RB1CC1: variants seen among roughly 807,000 people sequenced by gnomAD.
RB1CC1 encodes RB1-inducible coiled-coil protein 1.
A neutral mutation model predicts 177.5 loss-of-function variants in RB1CC1; 46 were observed. The observed-to-expected ratio is 0.26, with a 90% CI of 0.20 to 0.33. The LOEUF (loss-of-function observed/expected upper bound fraction) is 0.33, where lower values mean the gene tolerates loss of function less well. RB1CC1 is among the 10% of genes least tolerant of loss of function. The pLI, the probability that RB1CC1 is intolerant of heterozygous loss-of-function variation, is 1.00. For synonymous variants in RB1CC1, 666 were observed against 613.6 expected (o/e 1.09, Z -1.26); for missense variants, 1,703 against 1,816.3 (o/e 0.94, Z 1.13).
At chr8:52,648,100 C>A (rs1850219839) in intron 15 of RB1CC1, among the ~76,000 whole-genome samples, 1 of 152,072 alleles carries the variant, frequency 6.6e-6, no homozygotes, top group African/African-American at 2.4e-5. Context: ...GTTCCAGGTA[C>A]ACAAACAGAT....
intron 5 of RB1CC1, among the ~76,000 whole-genome samples, chr8:52,679,119 T>C (rs931836405): frequency 1.3e-5 from 2 of 152,056 alleles, no homozygotes; most frequent in Non-Finnish European, 2.9e-5. Flanking sequence ...ATAACAAATC[T>C]CGGGAACCCA....
chr8:52,660,124 CAT>C (rs1263883261), intron 12 of RB1CC1, among the ~76,000 whole-genome samples: 1 of 152,178 alleles, frequency 6.6e-6, no homozygotes, highest in African/African-American at 2.4e-5. Flanking sequence ...GGTTTAGAAA[CAT>C]ATCAAACTAA....
intron 18 of RB1CC1, among the ~76,000 whole-genome samples, chr8:52,638,677 C>T (rs1238141005): frequency 2.0e-5 from 3 of 152,000 alleles, no homozygotes; most frequent in Non-Finnish European, 4.4e-5. Flanking sequence ...ACTCTGATTT[C>T]AGAGTAGTCT....
At chr8:52,708,047 C>G (rs1447500786) in intron 1 of RB1CC1, among the ~76,000 whole-genome samples, 1 of 152,118 alleles carries the variant, frequency 6.6e-6, no homozygotes, top group Non-Finnish European at 1.5e-5. Context: ...AAAATGGTGG[C>G]AATTATGACT....
At chr8:52,663,432 T>A (rs1851799892) in intron 8 of RB1CC1, among the ~76,000 whole-genome samples, 1 of 152,046 alleles carries the variant, frequency 6.6e-6, no homozygotes, top group Non-Finnish European at 1.5e-5. Flanking sequence ...AATTACCCCT[T>A]CAAAGGCATT....
chr8:52,629,947 C>T (rs1848644540), intron 21 of RB1CC1, among the ~76,000 whole-genome samples: 1 of 152,110 alleles, frequency 6.6e-6, no homozygotes, highest in Non-Finnish European at 1.5e-5. Flanking sequence ...ACCTTGGGCA[C>T]ATGTTCTCAG....
intron 21 of RB1CC1, among the ~76,000 whole-genome samples, chr8:52,629,699 T>C (rs1409258688): frequency 6.6e-6 from 1 of 152,204 alleles, no homozygotes; most frequent in Non-Finnish European, 1.5e-5. Flanking sequence ...AGGCTTCATC[T>C]GCATGACAAA....
intron 20 of RB1CC1, among the ~76,000 whole-genome samples, chr8:52,633,192 TC>T (rs1672025765): frequency 6.6e-6 from 1 of 152,160 alleles, no homozygotes; most frequent in African/African-American, 2.4e-5. Context: ...CGTCAGGACC[TC>T]CCGAGGCTGT....
At chr8:52,663,298 G>A (rs1352392504) in intron 8 of RB1CC1, among the ~76,000 whole-genome samples, 2 of 151,786 alleles carry the variant, frequency 1.3e-5, no homozygotes, top group Admixed American at 6.6e-5. Flanking sequence ...CGAATGGCTA[G>A]AGAATGAATA....
intron 1 of RB1CC1, among the ~76,000 whole-genome samples, chr8:52,693,632 T>C (rs552461444): frequency 1.3e-5 from 2 of 152,220 alleles, no homozygotes; most frequent in African/African-American, 4.8e-5. Context: ...GAGTGTAAAT[T>C]AGTTCAACCA....
chr8:52,625,015 CATG>C (rs1848283884), intron 22 of RB1CC1, among the ~76,000 whole-genome samples: 2 of 152,220 alleles, frequency 1.3e-5, no homozygotes, highest in Admixed American at 6.5e-5. Flanking sequence ...ATTAAATATA[CATG>C]ATATGTCAAA....
chr8:52,663,996 T>G (rs576822678), intron 8 of RB1CC1, among the ~76,000 whole-genome samples: 1 of 152,286 alleles, frequency 6.6e-6, no homozygotes, highest in South Asian at 2.1e-4. Context: ...AAGTACAGCA[T>G]ACTAAGAGAA....
intron 5 of RB1CC1, among the ~76,000 whole-genome samples, chr8:52,680,968 T>TTG (rs34048284): frequency 0.16 from 21,136 of 130,814 alleles, 2,371 homozygotes; most frequent in East Asian, 0.58. Flanking sequence ...TTGTGGGGTT[T>TTG]TGTGTGTGTG....
At chr8:52,684,038 T>C in intron 3 of RB1CC1, 25 bp from the exon 4 acceptor site, 1 of 1,600,698 alleles carries the variant, frequency 6.2e-7, no homozygotes, top group Non-Finnish European at 8.5e-7. Flanking sequence ...ATAAAATAAA[T>C]CAGTTGTTTA....
At chr8:52,639,099 A>G (rs1849370594) in intron 18 of RB1CC1, among the ~76,000 whole-genome samples, 1 of 152,048 alleles carries the variant, frequency 6.6e-6, no homozygotes, top group Admixed American at 6.6e-5. Context: ...TCACTTTTTA[A>G]CCTAACATAT....
intron 15 of RB1CC1, among the ~76,000 whole-genome samples, chr8:52,654,538 T>G (rs952714633): frequency 3.3e-5 from 5 of 152,208 alleles, no homozygotes; most frequent in Admixed American, 6.5e-5. Flanking sequence ...TGTAGCAGCT[T>G]CCCAGTGAGC....
At chr8:52,690,419 A>C (rs1448082690) in intron 1 of RB1CC1, among the ~76,000 whole-genome samples, 3 of 152,210 alleles carry the variant, frequency 2.0e-5, no homozygotes, top group Admixed American at 2.0e-4. Context: ...TTCAGTCTTG[A>C]AGGAGAAAGC....
chr8:52,707,625 A>ATAC (rs1856698839), intron 1 of RB1CC1, among the ~76,000 whole-genome samples: 1 of 151,718 alleles, frequency 6.6e-6, no homozygotes, highest in Non-Finnish European at 1.5e-5. Context: ...TCCTTCCTAA[A>ATAC]TACTCCCTAC....
intron 18 of RB1CC1, among the ~76,000 whole-genome samples, chr8:52,641,947 TA>T (rs1352573250): frequency 6.7e-6 from 1 of 150,260 alleles, no homozygotes; most frequent in Non-Finnish European, 1.5e-5. Flanking sequence ...ACATTTGCTA[TA>T]TATGAATAAA....
Sources: gnomAD v4.1 joint callset for allele counts (sites outside exome capture counted in the v4.1 genomes callset) on GRCh38, gnomAD v4.1.1 for gene constraint, MANE v1.5 for transcripts, NCBI Gene and HGNC (gene_info 2026-07-23, HGNC 2026-07-21) for gene names.